NOL4: variants seen among roughly 807,000 people sequenced by gnomAD.
NOL4 encodes nucleolar protein 4.
Under a neutral mutation model 75.9 loss-of-function variants are expected in NOL4, and 17 were observed. The ratio of observed to expected loss-of-function variants is 0.22; its 90% CI spans 0.15 to 0.34. The LOEUF is 0.34. NOL4 is among the 10% of genes least tolerant of loss of function. NOL4 has a pLI of 1.00. For synonymous variants in NOL4, 292 were observed against 289.9 expected, an observed-to-expected ratio of 1.01 and a Z score of -0.07; for missense variants, 614 against 793.5, an observed-to-expected ratio of 0.77 and a Z score of 2.72.
chr18:34,013,102 G>A (rs1212796095), intron 6 of NOL4, among the ~76,000 whole-genome samples: 1 of 151,718 alleles, frequency 6.6e-6, no homozygotes, highest in African/African-American at 2.4e-5. Context: ...TTCTTACATT[G>A]GGTTGCTTTG....
chr18:34,108,544 G>C (rs2079426895), intron 2 of NOL4, among the ~76,000 whole-genome samples: 1 of 152,128 alleles, frequency 6.6e-6, no homozygotes, highest in Non-Finnish European at 1.5e-5. Flanking sequence ...ATCAGGGCTG[G>C]CTATATTCAC....
intron 9 of NOL4, among the ~76,000 whole-genome samples, chr18:33,921,854 C>T (rs1178091277): frequency 6.6e-6 from 1 of 152,110 alleles, no homozygotes; most frequent in African/African-American, 2.4e-5. Context: ...GCATTCATCC[C>T]CCTTCCCCTT....
chr18:33,919,622 T>C (rs1047627430), intron 9 of NOL4, among the ~76,000 whole-genome samples: 6 of 152,198 alleles, frequency 3.9e-5, no homozygotes, highest in Admixed American at 3.3e-4. Context: ...ATTTAAGGCT[T>C]GTTTAGCCCT....
At chr18:33,953,963 TTAG>T (rs946906328) in intron 8 of NOL4, among the ~76,000 whole-genome samples, 6 of 152,092 alleles carry the variant, frequency 3.9e-5, no homozygotes, top group African/African-American at 1.4e-4. Flanking sequence ...AGCATATACT[TTAG>T]TTGAATATGC....
At chr18:34,120,234 C>T (rs919157158) in intron 2 of NOL4, among the ~76,000 whole-genome samples, 1 of 152,122 alleles carries the variant, frequency 6.6e-6, no homozygotes, top group Non-Finnish European at 1.5e-5. Flanking sequence ...ATTGGAGAGT[C>T]TGCAGGCAGC....
chr18:33,943,376 C>T (rs1230683318), intron 8 of NOL4, among the ~76,000 whole-genome samples, 198 bp from the exon 9 acceptor site: 1 of 151,790 alleles, frequency 6.6e-6, no homozygotes, highest in African/African-American at 2.4e-5. Flanking sequence ...TTAAAGCTAT[C>T]GTTGCTACAC....
rs556463275 is a variant in NOL4 at position 33,968,357 on chromosome 18, A to G, written c.1057-9939T>C. 2.0e-5 allele frequency among the ~76,000 whole-genome samples: 3 copies of G among 152,330 alleles called. No homozygotes were observed. The South Asian group carries it at 6.2e-4, about 32-fold the overall frequency. On this transcript the variant is annotated intron_variant, in intron 6 of 10. Coordinates refer to ENST00000261592, the MANE Select transcript of NOL4 (RefSeq NM_003787.5). ...ATATGTTCATCACAGGACCATTCAC[A>G]ATAGCAAAGACATGGAATCAATTTA...
At chr18:33,881,069 A>G (rs902592434) in intron 10 of NOL4, among the ~76,000 whole-genome samples, 3 of 146,328 alleles carry the variant, frequency 2.1e-5, no homozygotes, top group Non-Finnish European at 3.0e-5. Flanking sequence ...AAGCAAAAAA[A>G]CACAATCTCA....
chr18:33,868,193 C>T (rs377305692), intron 10 of NOL4, among the ~76,000 whole-genome samples: 141 of 150,298 alleles, frequency 9.4e-4, no homozygotes, highest in African/African-American at 3.2e-3. Context: ...CATGCTACTA[C>T]ACCTGGGCAC....
intron 6 of NOL4, among the ~76,000 whole-genome samples, chr18:33,981,132 T>C (rs2071922348): frequency 6.6e-6 from 1 of 151,838 alleles, no homozygotes. Context: ...CATGAGGATA[T>C]GTCAATAGAA....
chr18:33,923,500 T>C (rs761996101), intron 9 of NOL4, among the ~76,000 whole-genome samples: 3 of 152,088 alleles, frequency 2.0e-5, no homozygotes, highest in Non-Finnish European at 4.4e-5. Context: ...TATATCTTAA[T>C]GTTGTCATTA....
chr18:34,031,077 G>A (rs1474860544), intron 5 of NOL4, among the ~76,000 whole-genome samples: 1 of 151,916 alleles, frequency 6.6e-6, no homozygotes, highest in Non-Finnish European at 1.5e-5. Context: ...GGGAAGGGAT[G>A]GAGAGAGGAG....
intron 1 of NOL4, chr18:34,157,042 T>A (rs1208832734): frequency 6.6e-6 from 1 of 152,194 alleles, no homozygotes; most frequent in African/African-American, 2.4e-5. Context: ...TGACATGTTT[T>A]TTTTCTCCAG....
intron 2 of NOL4, among the ~76,000 whole-genome samples, chr18:34,117,630 C>T (rs2079921861): frequency 6.6e-6 from 1 of 152,112 alleles, no homozygotes; most frequent in African/African-American, 2.4e-5. Flanking sequence ...ATTAACAGGC[C>T]ATCTGTTCCA....
chr18:33,915,999 G>T (rs1450142662), intron 9 of NOL4, among the ~76,000 whole-genome samples: 1 of 152,124 alleles, frequency 6.6e-6, no homozygotes, highest in Admixed American at 6.6e-5. Flanking sequence ...ACATTATCGA[G>T]TACAGAGTAG....
intron 5 of NOL4, among the ~76,000 whole-genome samples, chr18:34,067,736 T>G (rs1020316570): frequency 7.0e-4 from 107 of 152,180 alleles, no homozygotes; most frequent in Non-Finnish European, 1.5e-4. Flanking sequence ...AGGAAAGGAC[T>G]GCAGGTGGAG....
chr18:33,953,172 G>C (rs1282651987), intron 8 of NOL4, among the ~76,000 whole-genome samples: 1 of 151,380 alleles, frequency 6.6e-6, no homozygotes, highest in East Asian at 1.9e-4. Context: ...TGTCTAACGA[G>C]ATGTTAGAAG....
chr18:33,855,658 A>G (rs2062804750), intron 10 of NOL4, among the ~76,000 whole-genome samples: 1 of 152,236 alleles, frequency 6.6e-6, no homozygotes, highest in African/African-American at 2.4e-5. Context: ...CTGAAAATAT[A>G]AGAGACAAAA....
At chr18:33,878,914 C>T (rs867090575) in intron 10 of NOL4, among the ~76,000 whole-genome samples, 1 of 151,948 alleles carries the variant, frequency 6.6e-6, no homozygotes, top group Non-Finnish European at 1.5e-5. Flanking sequence ...TTGCTTTTAA[C>T]CACAATATAT....
Sources: gnomAD v4.1 joint callset for allele counts (sites outside exome capture counted in the v4.1 genomes callset) on GRCh38, gnomAD v4.1.1 for gene constraint, MANE v1.5 for transcripts, NCBI Gene and HGNC (gene_info 2026-07-23, HGNC 2026-07-21) for gene names.